The following GPC5 variants were observed in gnomAD, a reference collection of about 807,000 sequenced individuals.
GPC5 encodes glypican 5.
GPC5 carries 47 observed loss-of-function variants against 53.9 expected under a neutral mutation model. The observed-to-expected ratio is 0.87, with a 90% confidence interval of 0.69 to 1.11. The LOEUF (loss-of-function observed/expected upper bound fraction) is 1.11. Among genes scored for constraint, GPC5 ranks in the 50% most tolerant of loss-of-function variants. GPC5 has a pLI of 0.00. For missense variants in GPC5, 748 were observed against 713.1 expected (o/e 1.05, Z -0.56); for synonymous variants, 286 against 263.3 (o/e 1.09, Z -0.84).
At chr13:92,697,129 C>G (rs1312565879) in intron 7 of GPC5, among the ~76,000 whole-genome samples, 3 of 150,958 alleles carry the variant, frequency 2.0e-5, no homozygotes, top group Non-Finnish European at 4.4e-5. Context: ...AGTCAGGTAG[C>G]GTGATGCCTC....
chr13:92,728,162 G>C (rs1055160351), intron 7 of GPC5, among the ~76,000 whole-genome samples: 3 of 151,424 alleles, frequency 2.0e-5, no homozygotes, highest in Non-Finnish European at 4.4e-5. Flanking sequence ...TGCATTATTT[G>C]CCATAGGCAT....
chr13:91,417,416 C>T (rs1878314480), intron 1 of GPC5, among the ~76,000 whole-genome samples: 1 of 152,168 alleles, frequency 6.6e-6, no homozygotes, highest in African/African-American at 2.4e-5. Context: ...CCCCTGCTGT[C>T]AGCCCACAAA....
intron 6 of GPC5, among the ~76,000 whole-genome samples, chr13:92,079,404 C>T (rs1191717096): frequency 6.6e-6 from 1 of 152,202 alleles, no homozygotes; most frequent in Admixed American, 6.5e-5. Flanking sequence ...AGTGCTCTCC[C>T]TTCTAAAATC....
At chr13:92,796,558 A>C (rs1051288572) in intron 7 of GPC5, among the ~76,000 whole-genome samples, 4 of 151,976 alleles carry the variant, frequency 2.6e-5, no homozygotes, top group Non-Finnish European at 4.4e-5. Flanking sequence ...GAGGAATTCC[A>C]GAAAGATAAG....
At chr13:92,477,147 C>T (rs1182298818) in intron 7 of GPC5, among the ~76,000 whole-genome samples, 5 of 151,980 alleles carry the variant, frequency 3.3e-5, no homozygotes, top group African/African-American at 4.8e-5. Flanking sequence ...CTATTGTGTG[C>T]CCCAGTATTT....
At chr13:92,804,583 C>A (rs1877024795) in intron 7 of GPC5, among the ~76,000 whole-genome samples, 2 of 152,000 alleles carry the variant, frequency 1.3e-5, no homozygotes, top group Admixed American at 6.6e-5. Context: ...CAACTTGTTG[C>A]TGGTGGAGGG....
intron 7 of GPC5, among the ~76,000 whole-genome samples, chr13:92,386,680 A>C (rs1428927112): frequency 6.6e-6 from 1 of 152,092 alleles, no homozygotes; most frequent in Non-Finnish European, 1.5e-5. Flanking sequence ...TTGTGGTAAC[A>C]AGCAGTCATT....
At chr13:92,190,626 A>T (rs1426399331) in intron 7 of GPC5, among the ~76,000 whole-genome samples, 1 of 152,164 alleles carries the variant, frequency 6.6e-6, no homozygotes, top group African/African-American at 2.4e-5. Context: ...CTGCTTGTGA[A>T]GTGATACAGT....
At chr13:91,501,240 GTTT>G (rs140865584) in intron 2 of GPC5, among the ~76,000 whole-genome samples, 56 of 106,464 alleles carry the variant, frequency 5.3e-4, no homozygotes, top group African/African-American at 1.7e-3. Flanking sequence ...TTAAGACTTT[GTTT>G]TTTTTTTTTT....
intron 7 of GPC5, among the ~76,000 whole-genome samples, chr13:92,677,831 A>G (rs773811091): frequency 4.6e-5 from 7 of 152,156 alleles, no homozygotes; most frequent in Non-Finnish European, 8.8e-5. Context: ...GGCACTCCAC[A>G]ATGAGAACAG....
intron 7 of GPC5, among the ~76,000 whole-genome samples, chr13:92,154,029 T>G (rs1269540011): frequency 6.6e-6 from 1 of 152,220 alleles, no homozygotes; most frequent in Non-Finnish European, 1.5e-5. Flanking sequence ...CTCAAGTTTC[T>G]GCAGGCTGTG....
intron 7 of GPC5, among the ~76,000 whole-genome samples, chr13:92,778,711 T>C (rs1342251398): frequency 1.3e-5 from 2 of 152,214 alleles, no homozygotes; most frequent in Non-Finnish European, 2.9e-5. Context: ...TTCCTCTGTA[T>C]TCCACATAAG....
At chr13:91,657,637 G>C (rs2034879606) in intron 2 of GPC5, among the ~76,000 whole-genome samples, 7 of 152,124 alleles carry the variant, frequency 4.6e-5, no homozygotes, top group Admixed American at 4.6e-4. Context: ...CATTTTGGTA[G>C]AGAAGTGAGA....
chr13:91,941,853 G>A (rs2039930294), intron 6 of GPC5, among the ~76,000 whole-genome samples: 2 of 152,088 alleles, frequency 1.3e-5, no homozygotes, highest in South Asian at 4.1e-4. Context: ...CTTTGGTAAA[G>A]CAAGATAAAG....
chr13:92,114,233 C>T (rs1446218697), intron 6 of GPC5, among the ~76,000 whole-genome samples: 1 of 152,304 alleles, frequency 6.6e-6, no homozygotes, highest in South Asian at 2.1e-4. Flanking sequence ...GAATTCATGG[C>T]AGGGCCTCAT....
chr13:91,906,903 T>A (rs868319171), intron 5 of GPC5, among the ~76,000 whole-genome samples: 11 of 151,760 alleles, frequency 7.2e-5, no homozygotes, highest in Middle Eastern at 3.4e-3. Context: ...ATTTTGCAGA[T>A]TTTAGTTGCT....
At chr13:91,986,316 C>T (rs931517942) in intron 6 of GPC5, among the ~76,000 whole-genome samples, 4 of 152,170 alleles carry the variant, frequency 2.6e-5, no homozygotes, top group East Asian at 1.9e-4. Flanking sequence ...CCACCCGCCT[C>T]GGCCTCCCAA....
chr13:91,644,680 G>C (rs2034516058), intron 2 of GPC5, among the ~76,000 whole-genome samples: 1 of 151,910 alleles, frequency 6.6e-6, no homozygotes. Context: ...ATATATTTTT[G>C]TTATCTTAAC....
At chr13:91,791,206 G>A (rs2037958376) in intron 5 of GPC5, among the ~76,000 whole-genome samples, 1 of 152,196 alleles carries the variant, frequency 6.6e-6, no homozygotes, top group South Asian at 2.1e-4. Flanking sequence ...ACAAAGAGAA[G>A]AGATAGCATT....
Sources: allele counts gnomAD v4.1 joint callset (sites outside exome capture counted in the v4.1 genomes callset), GRCh38; gene constraint gnomAD v4.1.1; transcripts MANE v1.5; gene names NCBI Gene and HGNC (gene_info 2026-07-23, HGNC 2026-07-21).